The following TSGA10 variants were observed in gnomAD, a reference collection of about 807,000 sequenced individuals.
TSGA10 encodes testis specific 10, also known as testis-specific gene 10 protein.
TSGA10 carries 43 observed loss-of-function variants against 96.6 expected under a neutral mutation model. The ratio of observed to expected loss-of-function variants is 0.44; its 90% CI spans 0.35 to 0.57. The LOEUF (loss-of-function observed/expected upper bound fraction) is 0.57. TSGA10 is among the 20% of genes least tolerant of loss of function. The pLI is 0.01. For synonymous variants in TSGA10, 229 were observed against 269.9 expected (o/e 0.85, Z 1.48); for missense variants, 703 against 834.4 (o/e 0.84, Z 1.94).
intron 10 of TSGA10, among the ~76,000 whole-genome samples, chr2:99,089,970 AAAC>A (rs1242666246): frequency 1.3e-5 from 2 of 152,154 alleles, no homozygotes; most frequent in Non-Finnish European, 1.5e-5. Context: ...CCAGTGCAAT[AAAC>A]AACAATAATA....
intron 16 of TSGA10, among the ~76,000 whole-genome samples, chr2:99,041,047 C>G (rs1298394853): frequency 6.6e-6 from 1 of 152,178 alleles, no homozygotes; most frequent in African/African-American, 2.4e-5. Context: ...TTCCTTAAAC[C>G]TTTCATAAGC....
intron 2 of TSGA10, chr2:99,126,502 T>A (rs2092831986): frequency 6.6e-6 from 1 of 152,278 alleles, no homozygotes; most frequent in Admixed American, 6.5e-5. Context: ...TTATACATAA[T>A]GTTCAGAGTT....
chr2:99,046,724 G>C (rs1257143194), intron 16 of TSGA10, among the ~76,000 whole-genome samples: 1 of 152,132 alleles, frequency 6.6e-6, no homozygotes, highest in Admixed American at 6.6e-5. Context: ...ACTAAGAACA[G>C]AGAAGAACTG....
chr2:99,074,012 T>C (rs1472336273), intron 12 of TSGA10, among the ~76,000 whole-genome samples: 3 of 115,414 alleles, frequency 2.6e-5, no homozygotes, highest in South Asian at 5.8e-4. Flanking sequence ...TTTTTTTTTT[T>C]TTTTTTTTTT....
chr2:99,058,699 T>C (rs1220043854), intron 16 of TSGA10, among the ~76,000 whole-genome samples: 5 of 151,992 alleles, frequency 3.3e-5, no homozygotes, highest in African/African-American at 9.7e-5. Flanking sequence ...TTAGATGAAA[T>C]AGGCAAATCC....
chr2:99,115,793 C>A (rs2092216241), intron 4 of TSGA10, among the ~76,000 whole-genome samples: 1 of 152,056 alleles, frequency 6.6e-6, no homozygotes, highest in Non-Finnish European at 1.5e-5. Flanking sequence ...GGCAGGAAAT[C>A]ACTTGAACCC....
intron 10 of TSGA10, among the ~76,000 whole-genome samples, 191 bp downstream of exon 10, chr2:99,103,776 A>T (rs1188582229): frequency 6.6e-6 from 1 of 152,218 alleles, no homozygotes; most frequent in Non-Finnish European, 1.5e-5. Context: ...TTCCTAGTTA[A>T]GTGTGGCATT....
intron 10 of TSGA10, among the ~76,000 whole-genome samples, chr2:99,087,833 C>A (rs1035619771): frequency 6.6e-6 from 1 of 151,886 alleles, no homozygotes; most frequent in East Asian, 1.9e-4. Flanking sequence ...TAAAAACCAC[C>A]AAGCAAAAAA....
intron 1 of TSGA10, chr2:99,147,557 T>G: frequency 3.5e-6 from 5 of 1,419,010 alleles, no homozygotes; most frequent in Non-Finnish European, 4.9e-6. Flanking sequence ...TTTTATTAGA[T>G]TGAAGTTTAA....
At chr2:99,053,255 G>T (rs1216088580) in intron 16 of TSGA10, among the ~76,000 whole-genome samples, 2 of 151,442 alleles carry the variant, frequency 1.3e-5, no homozygotes, top group Non-Finnish European at 2.9e-5. Context: ...TTAGTGGTCA[G>T]CATTATCATG....
In TSGA10 at chr2:99,089,529, G is replaced by T. The variant is rs1212290076; in HGVS notation, c.612-8132C>A. 2.6e-5 allele frequency among the ~76,000 whole-genome samples: 4 copies of T among 152,274 alleles called. No individual in the cohort carries two copies. In the East Asian group the frequency reaches 7.7e-4, roughly 29 times the overall value. ...CTGGGGCAAGTTCTCAGCCCTGCTT[G>T]CCCACTGCCTGGAAACAAACTTGGT... On this transcript the variant is annotated intron_variant, in intron 10 of 20. Coordinates refer to ENST00000393483, the MANE Select transcript of TSGA10 (RefSeq NM_025244.4).
chr2:99,059,704 A>C (rs1349375252), intron 16 of TSGA10, among the ~76,000 whole-genome samples: 1 of 150,912 alleles, frequency 6.6e-6, no homozygotes, highest in Admixed American at 6.6e-5. Context: ...CAACTTGACA[A>C]AATGCTTCTA....
chr2:99,077,127 C>T (rs73963386), intron 12 of TSGA10, among the ~76,000 whole-genome samples: 33 of 70,460 alleles, frequency 4.7e-4, no homozygotes, highest in African/African-American at 1.4e-3. Flanking sequence ...GACCATTCAC[C>T]TTTTTTTTTT....
intron 20 of TSGA10, among the ~76,000 whole-genome samples, chr2:99,010,222 A>G (rs187566121): frequency 6.6e-6 from 1 of 152,350 alleles, no homozygotes; most frequent in African/African-American, 2.4e-5. Context: ...CAGATGGAGT[A>G]TGGCAGATAG....
intron 14 of TSGA10, 38 bp from the exon 15 acceptor site, chr2:99,069,036 T>C: frequency 2.6e-6 from 3 of 1,167,116 alleles, no homozygotes; most frequent in Non-Finnish European, 3.5e-6. Context: ...CTATGAAAAA[T>C]AAAAAATTTC....
At chr2:99,071,027 T>C (rs10179043) in intron 14 of TSGA10, among the ~76,000 whole-genome samples, 51,161 of 152,004 alleles carry the variant, frequency 0.34, 9,581 homozygotes, top group African/African-American at 0.5. Context: ...ATTAACAAAG[T>C]ATTACAGCTT....
chr2:99,120,318 G>A (rs1272405472), intron 2 of TSGA10, among the ~76,000 whole-genome samples: 1 of 152,166 alleles, frequency 6.6e-6, no homozygotes, highest in Non-Finnish European at 1.5e-5. Flanking sequence ...CTTTAGAAGA[G>A]GCAGTCTGGA....
At chr2:99,123,342 C>T (rs1250216965) in intron 2 of TSGA10, among the ~76,000 whole-genome samples, 2 of 151,840 alleles carry the variant, frequency 1.3e-5, no homozygotes, top group South Asian at 2.1e-4. Context: ...ACTTTTTTGT[C>T]GAACATAGTT....
chr2:99,069,347 A>C (rs1274318467), intron 14 of TSGA10, among the ~76,000 whole-genome samples: 1 of 152,142 alleles, frequency 6.6e-6, no homozygotes, highest in Non-Finnish European at 1.5e-5. Context: ...CTACTGGAGT[A>C]AATGTAGATT....
Sources: gnomAD v4.1 joint callset for allele counts (sites outside exome capture counted in the v4.1 genomes callset) on GRCh38, gnomAD v4.1.1 for gene constraint, MANE v1.5 for transcripts, NCBI Gene and HGNC (gene_info 2026-07-23, HGNC 2026-07-21) for gene names.